NMNAT3: variants seen among roughly 807,000 people sequenced by gnomAD.
NMNAT3 encodes the protein nicotinamide/nicotinic acid mononucleotide adenylyltransferase 3.
NMNAT3 carries 21 observed loss-of-function variants against 24.8 expected under a neutral mutation model. That is an observed-to-expected ratio of 0.85 (90% CI 0.60 to 1.22). NMNAT3 has a LOEUF of 1.22. NMNAT3 is among the 50% of genes most tolerant of loss of function. The pLI is 0.00. For missense variants in NMNAT3, 387 were observed against 436.6 expected (o/e 0.89, Z 1.01); for synonymous variants, 136 against 155.2 (o/e 0.88, Z 0.92).
At chr3:139,651,473 G>A (rs1189237152) in intron 1 of NMNAT3, among the ~76,000 whole-genome samples, 1 of 152,178 alleles carries the variant, frequency 6.6e-6, no homozygotes, top group African/African-American at 2.4e-5. Context: ...GAGAGGGGAA[G>A]GCTGCCTAAC....
chr3:139,608,976 C>T (rs2055069609), intron 3 of NMNAT3, among the ~76,000 whole-genome samples: 1 of 152,244 alleles, frequency 6.6e-6, no homozygotes, highest in Non-Finnish European at 1.5e-5. Flanking sequence ...AAGAAAGTTA[C>T]AGATATTGAA....
intron 3 of NMNAT3, among the ~76,000 whole-genome samples, chr3:139,593,023 G>T (rs1338883264): frequency 6.6e-6 from 1 of 152,056 alleles, no homozygotes; most frequent in African/African-American, 2.4e-5. Flanking sequence ...ACACAGACTG[G>T]CAAATTGGAT....
intron 5 of NMNAT3, among the ~76,000 whole-genome samples, chr3:139,574,157 T>C (rs1938914296): frequency 6.6e-6 from 1 of 152,186 alleles, no homozygotes; most frequent in Non-Finnish European, 1.5e-5. Flanking sequence ...CACAGCTAGC[T>C]CCCAGAAAAG....
rs776080142 is a variant in NMNAT3, at chr3:139,579,020, C to T, written c.427G>A (p.Val143Ile). ...TCTTTCTTCCCATAGGTGTCGTTGACAGGAGAGATGATACCCTGGATGACC... is the reference window on the plus strand; with the variant it reads ...TCTTTCTTCCCATAGGTGTCGTTGATAGGAGAGATGATACCCTGGATGACC... The change falls in exon 5 of 7, where the codon GTC becomes ATC. Residue 143 changes from valine (V) to isoleucine (I), a missense_variant. By Grantham distance (29) the Val-to-Ile change is conservative (BLOSUM62 3). Coordinates refer to ENST00000643695, the MANE Select transcript of NMNAT3 (RefSeq NM_001320510.2). The T allele has an allele frequency of 3.7e-6, 6 of 1,614,076 alleles. No individual in the cohort carries two copies. The highest frequency in any genetic ancestry group is 2.2e-5 in the South Asian group (2 of 91,038).
At chr3:139,665,632 TA>T (rs1410889437) in intron 1 of NMNAT3, among the ~76,000 whole-genome samples, 3 of 151,702 alleles carry the variant, frequency 2.0e-5, no homozygotes, top group African/African-American at 7.3e-5. Context: ...TCTGTAACGG[TA>T]AAAAATTGGA....
At chr3:139,596,964 A>ATATATATATATATATT (rs1405063694) in intron 3 of NMNAT3, among the ~76,000 whole-genome samples, 1 of 108,538 alleles carries the variant, frequency 9.2e-6, no homozygotes, top group Non-Finnish European at 1.9e-5. Context: ...ATATATATAT[A>ATATATATATATATATT]TTTTTATTAC....
rs1210909092 is a variant in NMNAT3, at chr3:139,627,768, T to C, written c.-40-4A>G. 3 of 1,185,128 alleles carry C rather than the reference T, an allele frequency of 2.5e-6. No individual in the cohort carries two copies. The East Asian group carries it at 7.2e-5, about 28-fold the overall frequency. 73.4% of individuals were successfully genotyped at this position (1,185,128 alleles called of 1,614,324 possible). On this transcript the variant is annotated splice_polypyrimidine_tract_variant and splice_region_variant and intron_variant, in intron 2 of 6. Transcript: ENST00000643695. ...ACCTGTTGCAGTGGCCACCCTGCTT[T>C]TATGGGGACAAAAGCTCATGTCAGG...
Position 139,597,553 on chromosome 3 carries a change from A to C in NMNAT3, c.110-14345T>G, listed in dbSNP as rs539413523. 1.2e-3 allele frequency among the ~76,000 whole-genome samples: 178 copies of C among 152,334 alleles called. 2 individuals carry two copies. The highest frequency in any genetic ancestry group is 2.1e-3 in the Non-Finnish European group (144 of 68,030). On this transcript the variant is annotated intron_variant, in intron 3 of 6. Coordinates refer to ENST00000643695, the MANE Select transcript of NMNAT3 (RefSeq NM_001320510.2). ...TGCACCTAAGATTATATTGTTAAAC[A>C]CTAGCTGTAACGCCACAATATCCTT... is the stretch of plus-strand genomic sequence containing the variant.
At chr3:139,646,056 A>G (rs990552020) in intron 1 of NMNAT3, among the ~76,000 whole-genome samples, 4 of 152,196 alleles carry the variant, frequency 2.6e-5, no homozygotes, top group African/African-American at 9.6e-5. Flanking sequence ...AAGACTCAAA[A>G]GGCTAAAGCA....
intron 3 of NMNAT3, among the ~76,000 whole-genome samples, chr3:139,596,625 T>A (rs546067379): frequency 5.9e-5 from 9 of 152,168 alleles, no homozygotes; most frequent in Non-Finnish European, 1.2e-4. Context: ...GAAAGCTTTC[T>A]GAGCACCTGG....
chr3:139,621,523 C>T (rs779419506), intron 3 of NMNAT3, among the ~76,000 whole-genome samples: 4 of 152,146 alleles, frequency 2.6e-5, no homozygotes, highest in Non-Finnish European at 5.9e-5. Flanking sequence ...AGGTGTGTAC[C>T]ACCATGTCCA....
intron 2 of NMNAT3, among the ~76,000 whole-genome samples, chr3:139,629,329 C>T (rs1376169945): frequency 6.6e-6 from 1 of 152,156 alleles, no homozygotes; most frequent in Non-Finnish European, 1.5e-5. Flanking sequence ...TGTGATCTTT[C>T]CCCAGTCAAG....
intron 2 of NMNAT3, chr3:139,634,341 G>A (rs1471209498): frequency 6.6e-6 from 1 of 152,216 alleles, no homozygotes; most frequent in East Asian, 1.9e-4. Flanking sequence ...AAAGCAGATG[G>A]CTTCAGGCAG....
chr3:139,634,699 C>G (rs912429569), intron 2 of NMNAT3, 52 bp from the exon 3 acceptor site: 7 of 152,074 alleles, frequency 4.6e-5, no homozygotes, highest in African/African-American at 1.7e-4. Context: ...TATGAGACTC[C>G]CAGGAAAGCA....
chr3:139,594,731 A>G (rs1231845595), intron 3 of NMNAT3, among the ~76,000 whole-genome samples: 1 of 152,354 alleles, frequency 6.6e-6, no homozygotes, highest in Middle Eastern at 3.4e-3. Context: ...ATCTCAATAG[A>G]TGCAGAAAAG....
intron 3 of NMNAT3, among the ~76,000 whole-genome samples, chr3:139,608,008 T>C (rs2055021523): frequency 6.6e-6 from 1 of 152,248 alleles, no homozygotes. Context: ...CTGGGAATTT[T>C]ACCTCACTCT....
chr3:139,607,113 C>G (rs1204675885), intron 3 of NMNAT3, among the ~76,000 whole-genome samples: 1 of 151,778 alleles, frequency 6.6e-6, no homozygotes, highest in Admixed American at 6.6e-5. Flanking sequence ...TCTAGGCCCT[C>G]TTAGAAGGCA....
At chr3:139,630,228 G>A (rs1355247506) in intron 2 of NMNAT3, among the ~76,000 whole-genome samples, 3 of 152,184 alleles carry the variant, frequency 2.0e-5, no homozygotes, top group Non-Finnish European at 4.4e-5. Flanking sequence ...TCATTGGCCA[G>A]AACTAGGTTA....
At chr3:139,671,156 T>C (rs572340200) in intron 1 of NMNAT3, among the ~76,000 whole-genome samples, 5 of 152,360 alleles carry the variant, frequency 3.3e-5, no homozygotes, top group Non-Finnish European at 7.4e-5. Flanking sequence ...AAGCTTGATA[T>C]ATGAAAAAGG....
Sources: gnomAD v4.1 joint callset for allele counts (sites outside exome capture counted in the v4.1 genomes callset) on GRCh38, gnomAD v4.1.1 for gene constraint, MANE v1.5 for transcripts, NCBI Gene and HGNC (gene_info 2026-07-23, HGNC 2026-07-21) for gene names.